LPP: variants seen among roughly 807,000 people sequenced by gnomAD.
The protein encoded by LPP is LIM domain containing preferred translocation partner in lipoma, also known as lipoma-preferred partner.
A neutral mutation model predicts 60.4 loss-of-function variants in LPP; 38 were observed. The observed-to-expected ratio is 0.63, with a 90% CI of 0.49 to 0.83. The LOEUF (loss-of-function observed/expected upper bound fraction) is 0.83. Ranked by LOEUF, LPP falls within the 40% of genes least tolerant of loss-of-function variation. LPP has a pLI of 0.00. For synonymous variants in LPP, 328 were observed against 290.8 expected (o/e 1.13, Z -1.30); for missense variants, 902 against 783.6 (o/e 1.15, Z -1.80).
chr3:188,325,051 G>T (rs1381390290), intron 2 of LPP, among the ~76,000 whole-genome samples: 2 of 151,980 alleles, frequency 1.3e-5, no homozygotes, highest in Admixed American at 6.6e-5. Context: ...TGCGATCTCG[G>T]CTCACTGCAG....
At chr3:188,848,238 A>G (rs1433821621) in intron 9 of LPP, among the ~76,000 whole-genome samples, 1 of 152,132 alleles carries the variant, frequency 6.6e-6, no homozygotes, top group African/African-American at 2.4e-5. Flanking sequence ...TGAATTTGAG[A>G]CTTGTGAAAA....
chr3:188,378,978 G>C (rs1454874675), intron 3 of LPP, among the ~76,000 whole-genome samples: 1 of 152,160 alleles, frequency 6.6e-6, no homozygotes, highest in Admixed American at 6.5e-5. Flanking sequence ...GGTGTGGGCA[G>C]GGCCACTGCT....
chr3:188,888,688 C>T lies in LPP; in HGVS notation c.*14209C>T, dbSNP rs1770947823. ...TGTATGTACACACGGTACCCAGAGT[C>T]GTACTGTGCAGCCTTCAAAAACATA... is the stretch of plus-strand genomic sequence containing the variant. On this transcript the variant is annotated 3_prime_UTR_variant, in exon 12 of 12. Transcript: ENST00000617246. The T allele has an allele frequency of 4.5e-6, 1 of 220,764 alleles. No individual in the cohort carries two copies. Among genetic ancestry groups the T allele is most frequent in the Non-Finnish European group, 9.1e-6 (1 of 110,168 alleles). 13.7% of individuals were successfully genotyped at this position (220,764 alleles called of 1,614,324 possible). A position where few individuals can be genotyped will look rare whatever the true frequency, so the allele number is the denominator to read the frequency against.
chr3:188,764,479 G>C (rs1733377357), intron 9 of LPP, among the ~76,000 whole-genome samples: 1 of 151,918 alleles, frequency 6.6e-6, no homozygotes, highest in South Asian at 2.1e-4. Context: ...GCAATTTCTT[G>C]GCTGTAGTTG....
chr3:188,742,851 C>T (rs1254397148), intron 8 of LPP, among the ~76,000 whole-genome samples: 2 of 152,132 alleles, frequency 1.3e-5, no homozygotes, highest in African/African-American at 2.4e-5. Flanking sequence ...AATAAATAAA[C>T]AAGAAAAAGT....
intron 9 of LPP, among the ~76,000 whole-genome samples, chr3:188,800,331 C>T (rs1321105617): frequency 6.7e-6 from 1 of 148,320 alleles, no homozygotes; most frequent in South Asian, 2.1e-4. Flanking sequence ...CTGCAAGCTC[C>T]ACCTCCCAGG....
At position 188,732,528 on chromosome 3, in the gene LPP, C is replaced by T. The variant is rs75429570; in HGVS notation, c.1240+24135C>T. 9.4e-3 allele frequency among the ~76,000 whole-genome samples: 1,421 copies of T among 151,834 alleles called. 6 individuals are homozygous for T. The highest frequency in any genetic ancestry group is 0.014 in the Non-Finnish European group (973 of 67,836). ...ATCCCAGCGCTTTGGGAGGCCGAGGCGGGTCACGGTGAAACCCCGTCTCTA... is the reference window on the plus strand; with the variant it reads ...ATCCCAGCGCTTTGGGAGGCCGAGGTGGGTCACGGTGAAACCCCGTCTCTA... On this transcript the variant is annotated intron_variant, in intron 8 of 11. Transcript: ENST00000617246.
intron 2 of LPP, among the ~76,000 whole-genome samples, chr3:188,333,938 A>G (rs772933919): frequency 6.6e-6 from 1 of 152,198 alleles, no homozygotes; most frequent in Non-Finnish European, 1.5e-5. Context: ...TGGTAATTAT[A>G]GTGATTCTAT....
chr3:188,193,069 T>C (rs1255693854), intron 1 of LPP, among the ~76,000 whole-genome samples: 2 of 152,220 alleles, frequency 1.3e-5, no homozygotes, highest in Non-Finnish European at 2.9e-5. Flanking sequence ...TTTATGCTGT[T>C]GTGACAGGGC....
At chr3:188,738,198 G>GT (rs1035064774) in intron 8 of LPP, among the ~76,000 whole-genome samples, 7 of 151,698 alleles carry the variant, frequency 4.6e-5, no homozygotes, top group South Asian at 2.1e-4. Context: ...CCCCGAAAGT[G>GT]TTTTTTTTCA....
intron 5 of LPP, among the ~76,000 whole-genome samples, chr3:188,501,017 T>C (rs1407733606): frequency 6.6e-6 from 1 of 152,104 alleles, no homozygotes; most frequent in Non-Finnish European, 1.5e-5. Context: ...GTTAGTATTC[T>C]CTATTATTTT....
intron 7 of LPP, among the ~76,000 whole-genome samples, chr3:188,626,016 TTATAAG>T (rs1224877243): frequency 6.6e-6 from 1 of 152,130 alleles, no homozygotes; most frequent in Non-Finnish European, 1.5e-5. Context: ...TGAGATTAAT[TTATAAG>T]TATGTGTGTG....
chr3:188,535,347 CAA>C (rs1823287578), intron 6 of LPP, among the ~76,000 whole-genome samples: 1 of 152,164 alleles, frequency 6.6e-6, no homozygotes, highest in South Asian at 2.1e-4. Flanking sequence ...GTTTGCATAA[CAA>C]AGAAATAATT....
At chr3:188,172,810 C>G (rs1721954569) in intron 1 of LPP, among the ~76,000 whole-genome samples, 1 of 152,212 alleles carries the variant, frequency 6.6e-6, no homozygotes, top group Admixed American at 6.5e-5. Context: ...GTTCCAAGAT[C>G]TAGTCCAGGA....
At chr3:188,197,541 G>A (rs750929033) in intron 1 of LPP, among the ~76,000 whole-genome samples, 5 of 152,044 alleles carry the variant, frequency 3.3e-5, no homozygotes, top group Admixed American at 6.6e-5. Flanking sequence ...CTTCACAGCC[G>A]CCTTTCTGTA....
intron 2 of LPP, among the ~76,000 whole-genome samples, chr3:188,302,723 C>T (rs979764389): frequency 6.6e-6 from 1 of 152,194 alleles, no homozygotes; most frequent in East Asian, 1.9e-4. Context: ...CTCTGGAAAG[C>T]CAGAAAAGAC....
At chr3:188,783,167 C>G (rs982838643) in intron 9 of LPP, among the ~76,000 whole-genome samples, 1 of 152,104 alleles carries the variant, frequency 6.6e-6, no homozygotes. Flanking sequence ...CAGCTTGGCC[C>G]ATATTTTCCC....
At position 188,530,231 on chromosome 3, in the gene LPP, C is replaced by T. The variant is rs544734443; in HGVS notation, c.429+5444C>T. The stretch of plus-strand genomic sequence containing the variant: ...TTTCATTGTTAGAAAGAGAAATTTA[C>T]AGGGGGATAGCAACAGTGTTACTGG... On this transcript the variant is annotated intron_variant, in intron 6 of 11. Coordinates refer to ENST00000617246, the MANE Select transcript of LPP (RefSeq NM_001375462.1). 2.6e-5 allele frequency among the ~76,000 whole-genome samples: 4 copies of T among 152,236 alleles called. No homozygotes were observed. In the East Asian group the frequency reaches 5.8e-4, roughly 22 times the overall value.
intron 9 of LPP, among the ~76,000 whole-genome samples, chr3:188,862,753 G>GA (rs1765565632): frequency 1.8e-5 from 2 of 112,898 alleles, no homozygotes; most frequent in African/African-American, 7.3e-5. Flanking sequence ...AAAAAGAAAA[G>GA]AAAGAAAGAA....
Sources: allele counts gnomAD v4.1 joint callset (sites outside exome capture counted in the v4.1 genomes callset), GRCh38; gene constraint gnomAD v4.1.1; transcripts MANE v1.5; gene names NCBI Gene and HGNC (gene_info 2026-07-23, HGNC 2026-07-21).